The following BUD23 variants were observed in gnomAD, a reference collection of about 807,000 sequenced individuals.
BUD23 encodes 18S rRNA (guanine-N(7))-methyltransferase.
BUD23 carries 34 observed loss-of-function variants against 47.0 expected under a neutral mutation model. That is an observed-to-expected ratio of 0.72 (90% CI 0.55 to 0.96). The LOEUF is 0.96. Ranked by LOEUF, BUD23 falls within the 40% of genes least tolerant of loss-of-function variation. The probability of loss-of-function intolerance (pLI) is 0.00; values close to 1 mark genes in which losing one functional copy is unlikely to be tolerated. For synonymous variants in BUD23, 124 were observed against 132.0 expected (o/e 0.94, Z 0.41); for missense variants, 343 against 361.2 (o/e 0.95, Z 0.41).
chr7:73,697,166 CT>C, intron 10 of BUD23: 1 of 455,432 alleles, frequency 2.2e-6, no homozygotes, highest in South Asian at 2.3e-5. Context: ...TCAGTCCTTC[CT>C]TTTCAGACCC....
In BUD23 at chr7:73,697,655, G is replaced by A. The variant is rs1554615097; in HGVS notation, c.752G>A (p.Trp251Ter). 6.2e-7 allele frequency: 1 copy of A among 1,613,678 alleles called. No homozygotes were observed. Residue 251 changes from tryptophan (W) to a stop codon, truncating the protein, a stop_gained, in exon 11 of 12, where the codon TGG (tryptophan) becomes TAG (stop). Transcript: ENST00000265758. LOFTEE classifies it high-confidence loss of function. ...RRGMVRKSRA[W>*]VLEKKERHRR... ...GGAATGGTGAGGAAGAGTCGGGCAT[G>A]GGTGCTGGAGAAGAAGGAGCGGCAC... is the stretch of plus-strand genomic sequence containing the variant.
At chr7:73,688,522 C>T (rs537571881) in intron 5 of BUD23, among the ~76,000 whole-genome samples, 1 of 152,318 alleles carries the variant, frequency 6.6e-6, no homozygotes, top group Admixed American at 6.5e-5. Context: ...CAGCAGCCAT[C>T]TTACTTTATT....
At position 73,686,799 on chromosome 7, in the gene BUD23, G is replaced by GAC; in HGVS notation, c.183-19_183-18insAC. The stretch of plus-strand genomic sequence containing the variant: ...GTGTCTTTGTAAACTGACCCTGAGT[G>GAC]TCTGGTCATGTCTTCCAGCTGTGGC... On this transcript the variant is annotated intron_variant, in intron 3 of 11. Coordinates refer to ENST00000265758, the MANE Select transcript of BUD23 (RefSeq NM_017528.5). The GAC allele has an allele frequency of 6.2e-7, 1 of 1,614,146 alleles. No homozygotes were observed. Among genetic ancestry groups the GAC allele is most frequent in the Non-Finnish European group, 8.5e-7 (1 of 1,179,984 alleles).
At chr7:73,689,762 T>C (rs782508323) in intron 5 of BUD23, among the ~76,000 whole-genome samples, 1 of 152,054 alleles carries the variant, frequency 6.6e-6, no homozygotes, top group Non-Finnish European at 1.5e-5. Flanking sequence ...TTGGGCTTGA[T>C]GGAGTAGATG....
chr7:73,695,505 TC>T (rs1393570548), intron 10 of BUD23: 1 of 152,248 alleles, frequency 6.6e-6, no homozygotes, highest in African/African-American at 2.4e-5. Context: ...CGCCTCGGCC[TC>T]CCAAAGTGCT....
intron 2 of BUD23, among the ~76,000 whole-genome samples, chr7:73,684,487 G>C (rs1423369229): frequency 2.6e-5 from 4 of 151,636 alleles, no homozygotes; most frequent in African/African-American, 9.7e-5. Context: ...TTTTTGTTGC[G>C]ATGGGGTCTC....
chr7:73,685,436 G>A (rs890731383), intron 2 of BUD23, among the ~76,000 whole-genome samples: 1 of 152,328 alleles, frequency 6.6e-6, no homozygotes. Context: ...CCACCACACC[G>A]GCTGAAATAG....
At chr7:73,697,402 C>T (rs982928004) in intron 10 of BUD23, 3 of 1,532,174 alleles carry the variant, frequency 2.0e-6, no homozygotes, top group Non-Finnish European at 2.6e-6. Context: ...CACCCAACAA[C>T]CTCTGTGGCC....
intron 2 of BUD23, among the ~76,000 whole-genome samples, chr7:73,685,656 G>C (rs980037033): frequency 2.8e-4 from 43 of 152,090 alleles, no homozygotes; most frequent in Non-Finnish European, 5.6e-4. Flanking sequence ...ACCCGCCTTG[G>C]CCTCCCAAAG....
At chr7:73,692,145 G>A (rs1798219544) in intron 6 of BUD23, among the ~76,000 whole-genome samples, 1 of 152,176 alleles carries the variant, frequency 6.6e-6, no homozygotes, top group Non-Finnish European at 1.5e-5. Flanking sequence ...GGTCTTGTGT[G>A]TCACATGAGT....
chr7:73,694,085 C>T (rs376249982), intron 10 of BUD23, 35 bp downstream of exon 10: 59 of 1,588,650 alleles, frequency 3.7e-5, no homozygotes, highest in East Asian at 4.5e-5. Flanking sequence ...CCGGCTGCAG[C>T]GGGGGCTGCC....
At chr7:73,691,035 A>G (rs782546176) in intron 6 of BUD23, 23 bp downstream of exon 6, 11 of 1,606,064 alleles carry the variant, frequency 6.8e-6, no homozygotes, top group Non-Finnish European at 9.4e-6. Context: ...TCTTCTCCCC[A>G]TCTGGGTTAG....
rs1336621372 is a variant in BUD23, at chr7:73,683,686, G to T, written c.48+13G>T. The T allele has an allele frequency of 1.2e-6, 2 of 1,613,806 alleles. No individual in the cohort carries two copies. Among genetic ancestry groups the T allele is most frequent in the South Asian group, 2.2e-5 (2 of 91,092 alleles). On this transcript the variant is annotated intron_variant, in intron 1 of 11. Coordinates refer to ENST00000265758, the MANE Select transcript of BUD23 (RefSeq NM_017528.5). ...ACCCCCAGAGCTGGTAAGTCCCGGG[G>T]CCCGCGGACACCCCTCTCCCCACTT...
chr7:73,697,933 A>G lies in BUD23; in HGVS notation c.*47A>G, dbSNP rs554750054. 5.1e-5 allele frequency: 80 copies of G among 1,568,346 alleles called. No individual in the cohort carries two copies. In the South Asian group the frequency reaches 8.9e-4, roughly 18 times the overall value. ...GGCACTTGCCTCTGCACTTTTCTATATTGTTCAGCTGACAAAGTAGTATTT... is the reference window on the plus strand; with the variant it reads ...GGCACTTGCCTCTGCACTTTTCTATGTTGTTCAGCTGACAAAGTAGTATTT... On this transcript the variant is annotated 3_prime_UTR_variant, in exon 12 of 12. Transcript: ENST00000265758.
At chr7:73,688,256 G>A (rs1798056356) in intron 5 of BUD23, among the ~76,000 whole-genome samples, 2 of 151,644 alleles carry the variant, frequency 1.3e-5, no homozygotes, top group Non-Finnish European at 2.9e-5. Flanking sequence ...GGAAGCTGAG[G>A]TAGGAGAATT....
At chr7:73,684,603 T>A (rs1584208961) in intron 2 of BUD23, among the ~76,000 whole-genome samples, 1 of 63,862 alleles carries the variant, frequency 1.6e-5, no homozygotes, top group African/African-American at 7.6e-5. Context: ...CTCGAGTCGT[T>A]AAAAAAAAAA....
At chr7:73,694,277 C>G (rs1554614566) in intron 10 of BUD23, 1 of 486,918 alleles carries the variant, frequency 2.1e-6, no homozygotes, top group Non-Finnish European at 3.6e-6. Flanking sequence ...CCTTTGTGAG[C>G]CCACACATGC....
chr7:73,687,363 G>A (rs1798015790), intron 5 of BUD23, among the ~76,000 whole-genome samples: 1 of 152,030 alleles, frequency 6.6e-6, no homozygotes, highest in Non-Finnish European at 1.5e-5. Context: ...TGCAGCCTTC[G>A]CCTCCCAGGC....
At chr7:73,695,893 C>T (rs1423057223) in intron 10 of BUD23, 3 of 152,242 alleles carry the variant, frequency 2.0e-5, no homozygotes, top group African/African-American at 7.2e-5. Context: ...TTTTCCTTAA[C>T]ACCCTTCACT....
Sources: gnomAD v4.1 joint callset for allele counts (sites outside exome capture counted in the v4.1 genomes callset) on GRCh38, gnomAD v4.1.1 for gene constraint, MANE v1.5 for transcripts, NCBI Gene and HGNC (gene_info 2026-07-23, HGNC 2026-07-21) for gene names.